Variants in CASK observed in about 807,000 individuals in gnomAD.
The protein encoded by CASK is calcium/calmodulin dependent serine protein kinase, also known as peripheral plasma membrane protein CASK.
A neutral mutation model predicts 82.9 loss-of-function variants in CASK; 4 were observed. The ratio of observed to expected loss-of-function variants is 0.05; its 90% CI spans 0.02 to 0.11. The LOEUF (loss-of-function observed/expected upper bound fraction) is 0.11. CASK is among the 10% of genes least tolerant of loss of function. The probability of loss-of-function intolerance (pLI) is 1.00; values close to 1 mark genes in which losing one functional copy is unlikely to be tolerated. For synonymous variants in CASK, 259 were observed against 253.5 expected, an observed-to-expected ratio of 1.02 and a Z score of -0.20; for missense variants, 358 against 720.9, an observed-to-expected ratio of 0.50 and a Z score of 5.76.
intron 1 of CASK, among the ~76,000 whole-genome samples, chrX:41,892,252 G>T (rs1446767044): frequency 9.4e-6 from 1 of 106,457 alleles, no homozygotes; most frequent in Non-Finnish European, 1.9e-5. Flanking sequence ...GGCCAATAAG[G>T]TCAATAAAAC....
At chrX:41,866,322 C>A (rs143199764) in intron 1 of CASK, among the ~76,000 whole-genome samples, 1 of 112,310 alleles carries the variant, frequency 8.9e-6, no homozygotes, top group Non-Finnish European at 1.9e-5. Flanking sequence ...GGTCTTCTAG[C>A]CAGAGAAAGC....
In CASK at chrX:41,515,271, C is replaced by T. The variant is rs1342511406; in HGVS notation, c.*5149G>A. ...CCAAACCTTTCCAATCCCTTCAGCT[C>T]CTGGGTGTTGAGGGACACCTCCTGC... On this transcript the variant is annotated 3_prime_UTR_variant, in exon 27 of 27. Transcript: ENST00000378163. 2.7e-5 allele frequency: 3 copies of T among 112,203 alleles called. No homozygotes were observed. Among genetic ancestry groups the T allele is most frequent in the Admixed American group, 9.5e-5 (1 of 10,549 alleles). The allele number at this position is 112,203 out of a possible 1,213,427, so 9.2% of individuals were successfully genotyped here.
intron 1 of CASK, among the ~76,000 whole-genome samples, chrX:41,871,206 C>T (rs147855315): frequency 1.1e-4 from 12 of 112,229 alleles, no homozygotes; most frequent in African/African-American, 3.2e-4. Flanking sequence ...AATTTCTTCT[C>T]ATAATCTGAA....
chrX:41,588,743 GAA>G (rs199898721), intron 13 of CASK, among the ~76,000 whole-genome samples: 1 of 86,324 alleles, frequency 1.2e-5, no homozygotes, highest in African/African-American at 4.1e-5. Context: ...ATCAAAAAAT[GAA>G]AAAAAAAAAA....
intron 5 of CASK, among the ~76,000 whole-genome samples, chrX:41,699,049 C>T (rs2067744969): frequency 9.1e-6 from 1 of 110,440 alleles, no homozygotes; most frequent in East Asian, 2.8e-4. Context: ...GCTTCAGCCT[C>T]CCGGGTAGCT....
intron 10 of CASK, among the ~76,000 whole-genome samples, chrX:41,625,942 CTTTTTT>C (rs748063155): frequency 7.4e-5 from 3 of 40,367 alleles, no homozygotes; most frequent in Non-Finnish European, 1.5e-4. Flanking sequence ...GCACGCCTGG[CTTTTTT>C]TTTTTTTTTT....
At chrX:41,888,950 A>G (rs1000331191) in intron 1 of CASK, among the ~76,000 whole-genome samples, 3 of 109,346 alleles carry the variant, frequency 2.7e-5, no homozygotes, top group Admixed American at 9.8e-5. Flanking sequence ...TGCTGCTATA[A>G]ACGTGTGTGC....
At chrX:41,661,161 A>G (rs1043585402) in intron 7 of CASK, among the ~76,000 whole-genome samples, 2 of 111,951 alleles carry the variant, frequency 1.8e-5, no homozygotes, top group African/African-American at 6.5e-5. Flanking sequence ...ATTAAAATCA[A>G]ACAAAAATAA....
chrX:41,851,461 C>A (rs1397816769), intron 2 of CASK, among the ~76,000 whole-genome samples: 1 of 111,572 alleles, frequency 9.0e-6, no homozygotes, highest in East Asian at 2.8e-4. Flanking sequence ...GACTCCCTGA[C>A]CAAGTGACAA....
At chrX:41,681,067 G>A (rs1366438339) in intron 5 of CASK, among the ~76,000 whole-genome samples, 2 of 111,946 alleles carry the variant, frequency 1.8e-5, no homozygotes, top group Non-Finnish European at 3.8e-5. Context: ...TACATGGATT[G>A]TTTTCAACAA....
intron 4 of CASK, among the ~76,000 whole-genome samples, chrX:41,744,119 G>A (rs1395382778): frequency 4.8e-5 from 5 of 104,889 alleles, no homozygotes; most frequent in African/African-American, 1.1e-4. Flanking sequence ...CCCGCCGCCC[G>A]CACCCCCCGC....
At chrX:41,573,032 G>A (rs951442450) in intron 15 of CASK, among the ~76,000 whole-genome samples, 2 of 105,223 alleles carry the variant, frequency 1.9e-5, no homozygotes, top group African/African-American at 6.9e-5. Flanking sequence ...AGACATTGAT[G>A]TCATCCTTAT....
chrX:41,775,431 T>C (rs2069339986), intron 3 of CASK, among the ~76,000 whole-genome samples: 1 of 107,040 alleles, frequency 9.3e-6, no homozygotes, highest in African/African-American at 3.4e-5. Context: ...TTTTACACTG[T>C]TGGTAGGACT....
chrX:41,699,311 A>G (rs777477343), intron 5 of CASK, among the ~76,000 whole-genome samples: 4 of 112,175 alleles, frequency 3.6e-5, no homozygotes, highest in Non-Finnish European at 5.6e-5. Flanking sequence ...AAAAATAAGT[A>G]ATATTTGAGG....
intron 2 of CASK, among the ~76,000 whole-genome samples, chrX:41,798,419 T>C (rs2069910833): frequency 8.9e-6 from 1 of 112,952 alleles, no homozygotes; most frequent in African/African-American, 3.2e-5. Context: ...GAGTACTTAC[T>C]ATGAGTCAGG....
chrX:41,692,705 T>C (rs5964035), intron 5 of CASK, among the ~76,000 whole-genome samples: 1 of 112,189 alleles, frequency 8.9e-6, no homozygotes, highest in Non-Finnish European at 1.9e-5. Context: ...CTTTTCTAAG[T>C]GTGCTGCTGT....
At chrX:41,588,863 CATGGAAAT>C (rs1434739653) in intron 13 of CASK, among the ~76,000 whole-genome samples, 2 of 109,812 alleles carry the variant, frequency 1.8e-5, no homozygotes, top group Non-Finnish European at 3.8e-5. Context: ...CAAGTAGAAA[CATGGAAAT>C]ATGCTTATTA....
intron 5 of CASK, among the ~76,000 whole-genome samples, chrX:41,717,236 G>A (rs1053611050): frequency 4.5e-5 from 5 of 112,251 alleles, no homozygotes; most frequent in South Asian, 3.7e-4. Flanking sequence ...GTGTGCTCTC[G>A]CCATTGCTCC....
In CASK at chrX:41,903,080, A is replaced by G. The variant is rs191510509; in HGVS notation, c.59+19850T>C. Among the ~76,000 whole-genome samples, 112 of 112,276 alleles carry G rather than the reference A, an allele frequency of 1.0e-3. 1 individual carries two copies. The highest frequency in any genetic ancestry group is 1.9e-3 in the Non-Finnish European group (99 of 53,244). On this transcript the variant is annotated intron_variant, in intron 1 of 26. Coordinates refer to ENST00000378163, the MANE Select transcript of CASK (RefSeq NM_001367721.1). ...ACACAGCAGCTATGAATTGGGCTCA[A>G]TGTGTCATAGTGTCACAACAAGAAT...
Sources: gnomAD v4.1 joint callset for allele counts (sites outside exome capture counted in the v4.1 genomes callset) on GRCh38, gnomAD v4.1.1 for gene constraint, MANE v1.5 for transcripts, NCBI Gene and HGNC (gene_info 2026-07-23, HGNC 2026-07-21) for gene names.